HS1BP3: variants seen among roughly 807,000 people sequenced by gnomAD.
HS1BP3 encodes the protein HCLS1 binding protein 3.
Under a neutral mutation model 33.5 loss-of-function variants are expected in HS1BP3, and 32 were observed. That is an observed-to-expected ratio of 0.95 (90% CI 0.72 to 1.28). The LOEUF is 1.28. HS1BP3 is among the 50% of genes most tolerant of loss of function. The pLI, the probability that HS1BP3 is intolerant of heterozygous loss-of-function variation, is 0.00. For synonymous variants in HS1BP3, 187 were observed against 209.2 expected (o/e 0.89, Z 0.92); for missense variants, 486 against 502.3 (o/e 0.97, Z 0.31).
intron 5 of HS1BP3, among the ~76,000 whole-genome samples, chr2:20,581,039 A>G (rs77014298): frequency 0.021 from 3,172 of 152,268 alleles, 41 homozygotes; most frequent in Non-Finnish European, 0.031. Context: ...CTTCCCAAAG[A>G]GCAGGCTGTC....
chr2:20,592,915 T>A (rs1449332209), intron 3 of HS1BP3: 1 of 152,286 alleles, frequency 6.6e-6, no homozygotes. Context: ...TTCCAGGGGT[T>A]AGGATGCGAA....
chr2:20,562,418 G>A (rs1477812749), intron 5 of HS1BP3, among the ~76,000 whole-genome samples: 1 of 152,188 alleles, frequency 6.6e-6, no homozygotes, highest in Non-Finnish European at 1.5e-5. Context: ...GTTTGAGGCT[G>A]TAGTGAGCTA....
intron 5 of HS1BP3, chr2:20,586,634 T>C (rs1442970564): frequency 6.6e-6 from 1 of 152,140 alleles, no homozygotes; most frequent in African/African-American, 2.4e-5. Context: ...TTTGACAATA[T>C]AATAATATAA....
chr2:20,640,417 A>G (rs996355264), intron 3 of HS1BP3: 1 of 215,544 alleles, frequency 4.6e-6, no homozygotes, highest in South Asian at 1.8e-4. Context: ...CAGGGCCAGG[A>G]CACCCATGGG....
At chr2:20,626,862 C>G (rs942876150) in intron 4 of HS1BP3, among the ~76,000 whole-genome samples, 1 of 152,206 alleles carries the variant, frequency 6.6e-6, no homozygotes, top group South Asian at 2.1e-4. Context: ...CTCGCCTGCT[C>G]TTACTCAGAC....
At chr2:20,574,837 T>A (rs1206290477) in intron 5 of HS1BP3, among the ~76,000 whole-genome samples, 1 of 152,140 alleles carries the variant, frequency 6.6e-6, no homozygotes, top group African/African-American at 2.4e-5. Context: ...TGAACTGAGC[T>A]AGGAGAGAAG....
At chr2:20,616,777 C>T (rs77038389), downstream of HS1BP3, among the ~76,000 whole-genome samples, 7,185 of 152,206 alleles carry the variant, frequency 0.047, 182 homozygotes, top group Middle Eastern at 0.088. Context: ...CTCTCCCCTC[C>T]CTGGTGGTCT....
Position 20,624,732 on chromosome 2 carries a change from G to C in HS1BP3, c.784C>G (p.Pro262Ala). The change falls in exon 5 of 7, where the codon CCC becomes GCC. Residue 262 changes from proline to alanine, a missense_variant and splice_region_variant. Coordinates refer to ENST00000304031, the MANE Select transcript of HS1BP3 (RefSeq NM_022460.4). ...GAGCAGACCATGGGGCTCTACTTACGGTCCACGGATGACACGTCCTCCGAG... is the reference window on the plus strand; with the variant it reads ...GAGCAGACCATGGGGCTCTACTTACCGTCCACGGATGACACGTCCTCCGAG... ...DPSEDVSSVD[P>A]LKLFDDPDLG... is the part of the protein sequence containing the mutation. 6.3e-7 allele frequency: 1 copy of C among 1,590,100 alleles called. No homozygotes were observed. The highest frequency in any genetic ancestry group is 2.3e-5 in the East Asian group (1 of 44,372).
chr2:20,616,348 T>C (rs1361505582), downstream of HS1BP3, among the ~76,000 whole-genome samples: 1 of 152,160 alleles, frequency 6.6e-6, no homozygotes, highest in African/African-American at 2.4e-5. Flanking sequence ...CTCTAGTGGA[T>C]TTCAGTTGAC....
intron 3 of HS1BP3, among the ~76,000 whole-genome samples, chr2:20,594,190 A>G (rs1020822822): frequency 1.3e-5 from 2 of 152,230 alleles, no homozygotes; most frequent in Non-Finnish European, 2.9e-5. Flanking sequence ...GCTTAACAGG[A>G]AGAAGTGCAG....
At chr2:20,645,543 A>G in intron 1 of HS1BP3, 38 bp from the exon 2 acceptor site, 1 of 1,578,078 alleles carries the variant, frequency 6.3e-7, no homozygotes, top group Non-Finnish European at 8.6e-7. Context: ...GTTCAGGGTC[A>G]AGGCAGTAGG....
At position 20,623,990 on chromosome 2, in the gene HS1BP3, G is replaced by A. The variant is rs756327124; in HGVS notation, c.826C>T (p.Pro276Ser). ...GGCAGCAGGAGGGAGTCACCCAGGGGGATGGCCCCGCCGAGGTCAGGATCA... is the reference window on the plus strand; with the variant it reads ...GGCAGCAGGAGGGAGTCACCCAGGGAGATGGCCCCGCCGAGGTCAGGATCA... Reference protein sequence around the residue: ...FDDPDLGGAIPLGDSLLLPAA... With the variant: ...FDDPDLGGAISLGDSLLLPAA... Residue 276 changes from proline (P) to serine (S), a missense_variant, in exon 6 of 7, where the codon CCC becomes TCC. Pro to Ser is a moderately conservative substitution (Grantham distance 74). Coordinates refer to ENST00000304031, the MANE Select transcript of HS1BP3 (RefSeq NM_022460.4). 3 of 1,612,272 alleles carry A rather than the reference G, an allele frequency of 1.9e-6. No individual in the cohort carries two copies. Among genetic ancestry groups the A allele is most frequent in the Non-Finnish European group, 2.5e-6 (3 of 1,179,608 alleles).
rs1311417745 is a variant in HS1BP3, at chr2:20,630,022, C to T, written c.624-5130G>A. Among the ~76,000 whole-genome samples, 4 of 152,360 alleles carry T rather than the reference C, an allele frequency of 2.6e-5. No individual in the cohort carries two copies. In the East Asian group the frequency reaches 7.7e-4, roughly 29 times the overall value. On this transcript the variant is annotated intron_variant, in intron 4 of 6. Coordinates refer to ENST00000304031, the MANE Select transcript of HS1BP3 (RefSeq NM_022460.4). Reference sequence around the variant, plus strand: ...CCACCAATGGGCACCAGCTGCTCAGCACCGGGTGTACATGCATGGCAGAGG... The same window carrying T: ...CCACCAATGGGCACCAGCTGCTCAGTACCGGGTGTACATGCATGGCAGAGG...
downstream of HS1BP3, among the ~76,000 whole-genome samples, chr2:20,613,889 C>G (rs556201969): frequency 6.6e-6 from 1 of 152,296 alleles, no homozygotes; most frequent in African/African-American, 2.4e-5. Context: ...TGTACTGGGT[C>G]GAATTGCGTC....
At chr2:20,628,950 C>A (rs1397692648) in intron 4 of HS1BP3, among the ~76,000 whole-genome samples, 1 of 152,192 alleles carries the variant, frequency 6.6e-6, no homozygotes, top group Non-Finnish European at 1.5e-5. Flanking sequence ...AGAGTCAGTT[C>A]TTTCCAGGGA....
downstream of HS1BP3, among the ~76,000 whole-genome samples, chr2:20,559,126 T>A (rs1692912153): frequency 6.6e-6 from 1 of 152,148 alleles, no homozygotes; most frequent in Non-Finnish European, 1.5e-5. Context: ...TCTTTGTCAA[T>A]GTAGGAACTG....
At chr2:20,566,162 G>A (rs1301391054) in intron 5 of HS1BP3, among the ~76,000 whole-genome samples, 2 of 152,228 alleles carry the variant, frequency 1.3e-5, no homozygotes, top group African/African-American at 4.8e-5. Flanking sequence ...GCACTGACAG[G>A]GAGTTCACTC....
Position 20,638,609 on chromosome 2 carries a change from G to T in HS1BP3, c.450C>A (p.Ser150=). ...GACTGTCTGTGCCATCCAGGACAGAGGAATCTCTGCTGGTGAGCCCTGCAG... is the reference window on the plus strand; with the variant it reads ...GACTGTCTGTGCCATCCAGGACAGATGAATCTCTGCTGGTGAGCCCTGCAG... ...PGAAGLTSRD[S]SVLDGTDSQT... is the part of the protein sequence containing the mutation. Residue 150 remains serine (S), a synonymous_variant, in exon 4 of 7, where the codon TCC becomes TCA. Transcript: ENST00000304031. 4 of 1,614,162 alleles carry T rather than the reference G, an allele frequency of 2.5e-6. No homozygotes were observed. The highest frequency in any genetic ancestry group is 3.4e-6 in the Non-Finnish European group (4 of 1,179,998).
chr2:20,569,899 C>T (rs1693224381), intron 5 of HS1BP3, among the ~76,000 whole-genome samples: 1 of 152,258 alleles, frequency 6.6e-6, no homozygotes, highest in East Asian at 1.9e-4. Flanking sequence ...GGTGCTGCTC[C>T]CCAGCCCCCA....
Sources: gnomAD v4.1 joint callset for allele counts (sites outside exome capture counted in the v4.1 genomes callset) on GRCh38, gnomAD v4.1.1 for gene constraint, MANE v1.5 for transcripts, NCBI Gene and HGNC (gene_info 2026-07-23, HGNC 2026-07-21) for gene names.